CDH13: variants seen among roughly 807,000 people sequenced by gnomAD.
CDH13 encodes cadherin-13.
Under a neutral mutation model 63.8 loss-of-function variants are expected in CDH13, and 24 were observed. The observed-to-expected ratio is 0.38, with a 90% CI of 0.27 to 0.53. The LOEUF is 0.53. Among genes scored for constraint, CDH13 ranks in the 20% least tolerant of loss-of-function variants. CDH13 has a pLI of 0.85. For synonymous variants in CDH13, 503 were observed against 355.3 expected (o/e 1.42, Z -4.67); for missense variants, 1,049 against 903.1 (o/e 1.16, Z -2.07).
intron 2 of CDH13, among the ~76,000 whole-genome samples, chr16:82,955,277 A>C (rs1184553856): frequency 1.3e-5 from 2 of 152,218 alleles, no homozygotes; most frequent in Non-Finnish European, 2.9e-5. Flanking sequence ...CTGTTTGGCA[A>C]AGGAGAAAAA....
intron 3 of CDH13, among the ~76,000 whole-genome samples, chr16:83,084,379 T>A (rs1229189083): frequency 1.3e-5 from 2 of 152,200 alleles, no homozygotes; most frequent in Non-Finnish European, 2.9e-5. Context: ...ATTCATCTTC[T>A]CTTTGTGGTT....
intron 6 of CDH13, among the ~76,000 whole-genome samples, chr16:83,401,961 T>G (rs113018479): frequency 0.015 from 2,216 of 152,250 alleles, 58 homozygotes; most frequent in African/African-American, 0.05. Flanking sequence ...TCTTGAGAAG[T>G]CCTGGGGCTC....
chr16:83,080,255 T>A (rs551255304), intron 3 of CDH13, among the ~76,000 whole-genome samples: 4 of 152,250 alleles, frequency 2.6e-5, no homozygotes, highest in African/African-American at 9.6e-5. Flanking sequence ...CTCAAATTGG[T>A]GATGACAGCC....
Position 82,931,513 on chromosome 16 carries a change from C to CTTT in CDH13, c.157+73052_157+73054dup, listed in dbSNP as rs11442675. ...TAGAATTGGACCTTGAGGTCCCCCCCTTTTTTTTTTTTTTGATGTTTGTTA... is the reference window on the plus strand; with the variant it reads ...TAGAATTGGACCTTGAGGTCCCCCCCTTTTTTTTTTTTTTTTTGATGTTTGTTA... On this transcript the variant is annotated intron_variant, in intron 2 of 13. Transcript: ENST00000567109. 2.1e-3 allele frequency among the ~76,000 whole-genome samples: 307 copies of CTTT among 144,384 alleles called. 1 individual carries two copies. Among genetic ancestry groups the CTTT allele is most frequent in the African/African-American group, 7.2e-3 (283 of 39,288 alleles). 94.7% of individuals were successfully genotyped at this position (144,384 alleles called of 152,430 possible).
chr16:83,000,310 G>A (rs1021428477), intron 2 of CDH13, among the ~76,000 whole-genome samples: 30 of 122,072 alleles, frequency 2.5e-4, no homozygotes, highest in Admixed American at 4.3e-4. Flanking sequence ...GTGCAAAGCT[G>A]CGATCTCGGC....
At chr16:83,023,401 A>G (rs1051095721) in intron 2 of CDH13, among the ~76,000 whole-genome samples, 3 of 152,056 alleles carry the variant, frequency 2.0e-5, no homozygotes, top group Non-Finnish European at 2.9e-5. Flanking sequence ...AGTATCTTAT[A>G]TGTGTATATT....
chr16:83,565,096 G>C lies in CDH13; in HGVS notation c.961-37358G>C, dbSNP rs78172959. 3.4e-3 allele frequency among the ~76,000 whole-genome samples: 515 copies of C among 152,240 alleles called. 2 individuals carry two copies. Among genetic ancestry groups the C allele is most frequent in the African/African-American group, 0.01 (430 of 41,548 alleles). On this transcript the variant is annotated intron_variant, in intron 7 of 13. Coordinates refer to ENST00000567109, the MANE Select transcript of CDH13 (RefSeq NM_001257.5). Reference sequence around the variant, plus strand: ...TCACTTCCCTGCCCTACACCTGCCAGGTCTGTGGGTCCTCTTTCATGTTTG... The same window carrying C: ...TCACTTCCCTGCCCTACACCTGCCACGTCTGTGGGTCCTCTTTCATGTTTG...
In CDH13 at chr16:82,738,550, C is replaced by T. The variant is rs529666028; in HGVS notation, c.45+111413C>T. Among the ~76,000 whole-genome samples the T allele has an allele frequency of 5.1e-4, 78 of 152,298 alleles. 2 individuals are homozygous for T. Among genetic ancestry groups the T allele is most frequent in the South Asian group, 3.7e-3 (18 of 4,828 alleles). Reference sequence around the variant, plus strand: ...TTCCTTAGCTTAGTAGTTAGCCCTCCGCTACCTTTTCTTAATGCACTTTTA... The same window carrying T: ...TTCCTTAGCTTAGTAGTTAGCCCTCTGCTACCTTTTCTTAATGCACTTTTA... On this transcript the variant is annotated intron_variant, in intron 1 of 13. Transcript: ENST00000567109.
chr16:83,575,477 A>C (rs904873782), intron 7 of CDH13, among the ~76,000 whole-genome samples: 1 of 152,180 alleles, frequency 6.6e-6, no homozygotes, highest in Non-Finnish European at 1.5e-5. Flanking sequence ...CTGTAAGACA[A>C]GTACCATCTG....
intron 5 of CDH13, among the ~76,000 whole-genome samples, chr16:83,263,093 T>C (rs1485174827): frequency 1.3e-5 from 2 of 152,196 alleles, no homozygotes; most frequent in African/African-American, 2.4e-5. Context: ...GCTATGGATA[T>C]AAACAAGGAG....
intron 7 of CDH13, among the ~76,000 whole-genome samples, chr16:83,526,750 C>T (rs1011997423): frequency 6.6e-6 from 1 of 152,204 alleles, no homozygotes; most frequent in African/African-American, 2.4e-5. Flanking sequence ...TCTGCTTTAC[C>T]TTCTTTACCT....
chr16:83,495,187 G>A (rs1009225223), intron 7 of CDH13, among the ~76,000 whole-genome samples: 9 of 152,164 alleles, frequency 5.9e-5, no homozygotes, highest in Middle Eastern at 3.4e-3. Flanking sequence ...CAAGGTGGTC[G>A]GGCCACAAAT....
intron 2 of CDH13, among the ~76,000 whole-genome samples, chr16:82,916,910 C>G (rs1395702399): frequency 1.3e-5 from 2 of 152,178 alleles, no homozygotes; most frequent in African/African-American, 2.4e-5. Context: ...GACCAAAGTT[C>G]TGGTTAGTAT....
At chr16:83,418,775 C>A (rs921402236) in intron 6 of CDH13, among the ~76,000 whole-genome samples, 2 of 152,066 alleles carry the variant, frequency 1.3e-5, no homozygotes, top group African/African-American at 4.8e-5. Flanking sequence ...CACCAGGGGA[C>A]AGCAGGAAAG....
chr16:83,151,457 G>C (rs1429116912), intron 4 of CDH13, among the ~76,000 whole-genome samples: 1 of 152,154 alleles, frequency 6.6e-6, no homozygotes, highest in Non-Finnish European at 1.5e-5. Context: ...CCTATGGGAG[G>C]ATAGCCATCA....
chr16:83,724,556 G>C (rs780248959), intron 10 of CDH13, among the ~76,000 whole-genome samples: 1 of 151,228 alleles, frequency 6.6e-6, no homozygotes, highest in African/African-American at 2.4e-5. Context: ...TGCATGAATG[G>C]ATGGATACAT....
chr16:83,408,833 G>A (rs968934024), intron 6 of CDH13, among the ~76,000 whole-genome samples: 1 of 152,206 alleles, frequency 6.6e-6, no homozygotes, highest in Non-Finnish European at 1.5e-5. Flanking sequence ...CACTAAGTGT[G>A]AAAAGATGTC....
chr16:82,694,546 C>A (rs111718972), intron 1 of CDH13, among the ~76,000 whole-genome samples: 5,288 of 152,240 alleles, frequency 0.035, 131 homozygotes, highest in African/African-American at 0.064. Flanking sequence ...AAAACTGAAT[C>A]TCCCCTCCTT....
chr16:83,427,497 T>C (rs993629190), intron 6 of CDH13, among the ~76,000 whole-genome samples: 14 of 152,148 alleles, frequency 9.2e-5, no homozygotes, highest in Non-Finnish European at 1.8e-4. Flanking sequence ...CACTAACACC[T>C]TGACCTAACC....
Sources: gnomAD v4.1 joint callset for allele counts (sites outside exome capture counted in the v4.1 genomes callset) on GRCh38, gnomAD v4.1.1 for gene constraint, MANE v1.5 for transcripts, NCBI Gene and HGNC (gene_info 2026-07-23, HGNC 2026-07-21) for gene names.